ANXA13: variants seen among roughly 807,000 people sequenced by gnomAD.
ANXA13 encodes the protein annexin A13.
ANXA13 carries 36 observed loss-of-function variants against 46.6 expected under a neutral mutation model. That is an observed-to-expected ratio of 0.77 (90% CI 0.59 to 1.02). The LOEUF (loss-of-function observed/expected upper bound fraction) is 1.02. ANXA13 is among the 50% of genes least tolerant of loss of function. The pLI is 0.00. For missense variants in ANXA13, 417 were observed against 396.5 expected (o/e 1.05, Z -0.44); for synonymous variants, 163 against 152.9 (o/e 1.07, Z -0.49).
At chr8:123,684,500 G>C (rs1289945684) in intron 10 of ANXA13, 110 bp downstream of exon 10, 1 of 728,836 alleles carries the variant, frequency 1.4e-6, no homozygotes, top group Non-Finnish European at 2.4e-6. Context: ...GGCCGTCTCT[G>C]TTTTACTTTT....
intron 1 of ANXA13, among the ~76,000 whole-genome samples, chr8:123,724,225 G>A (rs903014998): frequency 2.6e-5 from 4 of 152,194 alleles, no homozygotes; most frequent in African/African-American, 9.6e-5. Context: ...ACCTTCGGGT[G>A]TGAAACAGTT....
chr8:123,719,819 G>C (rs992566466), intron 1 of ANXA13, among the ~76,000 whole-genome samples: 1 of 152,212 alleles, frequency 6.6e-6, no homozygotes, highest in Non-Finnish European at 1.5e-5. Context: ...GCCCTTTGCT[G>C]GTTGTACCAC....
chr8:123,694,235 C>G (rs1308818532), intron 6 of ANXA13, among the ~76,000 whole-genome samples: 1 of 152,190 alleles, frequency 6.6e-6, no homozygotes, highest in Non-Finnish European at 1.5e-5. Context: ...TAATCCCCTT[C>G]CCTTGAGTGT....
intron 1 of ANXA13, among the ~76,000 whole-genome samples, chr8:123,730,321 A>G (rs1021543778): frequency 5.3e-5 from 8 of 152,108 alleles, no homozygotes; most frequent in African/African-American, 1.9e-4. Context: ...TAGTTCCTAG[A>G]CCAGCAGTAC....
Position 123,702,737 on chromosome 8 carries a change from C to A in ANXA13, c.92-1G>T. On this transcript the variant is annotated splice_acceptor_variant, in intron 2 of 10. Coordinates refer to ENST00000419625, the MANE Select transcript of ANXA13 (RefSeq NM_004306.4). LOFTEE classifies it high-confidence loss of function. ...TCAATGATGGCTGCTTCATTGGTCC[C>A]TAAAATACAGGAGAAACAAACAAAG... 1 of 1,613,106 alleles carries A rather than the reference C, an allele frequency of 6.2e-7. No individual in the cohort carries two copies. The highest frequency in any genetic ancestry group is 8.5e-7 in the Non-Finnish European group (1 of 1,179,168).
rs755285480 is a variant in ANXA13, at chr8:123,702,662, AC to A, written c.165del (p.Lys55AsnfsTer18). The A allele has an allele frequency of 2.3e-5, 37 of 1,613,972 alleles. No individual in the cohort carries two copies. Among genetic ancestry groups the A allele is most frequent in the Middle Eastern group, 1.6e-4 (1 of 6,084 alleles). ...TSDERQQIKQ[K>X]YKATYGKELE... Reference sequence around the variant, plus strand: ...ATCACCTTGCCGTACGTTGCCTTGTACTTTTGCTTGATTTGTTGCCTCTCAT... The same window carrying A: ...ATCACCTTGCCGTACGTTGCCTTGTATTTTGCTTGATTTGTTGCCTCTCAT... On this transcript the variant is annotated frameshift_variant, in exon 3 of 11. Coordinates refer to ENST00000419625, the MANE Select transcript of ANXA13 (RefSeq NM_004306.4). LOFTEE classifies it high-confidence loss of function.
Position 123,693,295 on chromosome 8 carries a change from C to T in ANXA13, c.544G>A (p.Gly182Arg), listed in dbSNP as rs1460962962. The T allele has an allele frequency of 6.2e-7, 1 of 1,614,026 alleles. No homozygotes were observed. Among genetic ancestry groups the T allele is most frequent in the African/African-American group, 1.3e-5 (1 of 75,040 alleles). The change falls in exon 8 of 11, where the codon GGG becomes AGG. Residue 182 changes from glycine (G) to arginine (R), a missense_variant. By Grantham distance (125) the Gly-to-Arg change is moderately radical. Coordinates refer to ENST00000419625, the MANE Select transcript of ANXA13 (RefSeq NM_004306.4). ...GQDAKDLYDA[G>R]EGRWGTDELA... ...TCATCAGTGCCCCAGCGGCCTTCCC[C>T]TGCCTCAAGGGTCAAATACAAACAC...
chr8:123,698,871 G>GA (rs780306600), intron 3 of ANXA13, among the ~76,000 whole-genome samples: 10 of 152,134 alleles, frequency 6.6e-5, no homozygotes, highest in East Asian at 1.9e-4. Flanking sequence ...CAAGATCGCT[G>GA]AAAAAATCCT....
chr8:123,695,659 A>C (rs749322112), intron 5 of ANXA13, 29 bp downstream of exon 5: 10 of 1,612,878 alleles, frequency 6.2e-6, no homozygotes, highest in Non-Finnish European at 7.6e-6. Context: ...AACATACTTT[A>C]TCCAAAGCCA....
At chr8:123,699,823 A>T (rs1813409271) in intron 3 of ANXA13, among the ~76,000 whole-genome samples, 1 of 152,214 alleles carries the variant, frequency 6.6e-6, no homozygotes, top group Non-Finnish European at 1.5e-5. Context: ...AAATGTACTT[A>T]ATCTCACCAA....
intron 1 of ANXA13, among the ~76,000 whole-genome samples, chr8:123,729,881 G>A (rs1041015102): frequency 2.0e-5 from 3 of 152,084 alleles, no homozygotes; most frequent in African/African-American, 4.8e-5. Context: ...CTCATACTTC[G>A]CAAAGATATC....
At chr8:123,712,574 A>G in intron 2 of ANXA13, 104 bp downstream of exon 2, 1 of 1,029,632 alleles carries the variant, frequency 9.7e-7, no homozygotes, top group Non-Finnish European at 1.5e-6. Context: ...CTCGGAATAC[A>G]CAAGATAGTG....
At chr8:123,710,644 C>T (rs1160088601) in intron 2 of ANXA13, among the ~76,000 whole-genome samples, 1 of 151,784 alleles carries the variant, frequency 6.6e-6, no homozygotes, top group Admixed American at 6.6e-5. Context: ...CTGAGGTGCC[C>T]TAGCTAGGAT....
intron 1 of ANXA13, chr8:123,727,962 G>T (rs1814033647): frequency 6.6e-6 from 1 of 152,276 alleles, no homozygotes; most frequent in South Asian, 2.1e-4. Context: ...CTGAGATAAG[G>T]TAACTAGGAG....
At chr8:123,693,569 A>G (rs934585016) in intron 7 of ANXA13, 142 bp downstream of exon 7, 2 of 757,760 alleles carry the variant, frequency 2.6e-6, no homozygotes, top group Non-Finnish European at 4.3e-6. Flanking sequence ...GAGACTATAT[A>G]TATGATCTAG....
chr8:123,708,892 T>C (rs1813598639), intron 2 of ANXA13, among the ~76,000 whole-genome samples: 2 of 152,224 alleles, frequency 1.3e-5, no homozygotes, highest in Admixed American at 1.3e-4. Context: ...CATCTGCCCA[T>C]GGCCTTCTCT....
chr8:123,735,130 A>G, intron 1 of ANXA13, among the ~76,000 whole-genome samples: 1 of 147,048 alleles, frequency 6.8e-6, no homozygotes, highest in Non-Finnish European at 1.5e-5. Flanking sequence ...AAAAAAAAAA[A>G]CAAACCCAGC....
chr8:123,724,411 G>T (rs1813942645), intron 1 of ANXA13, among the ~76,000 whole-genome samples: 2 of 152,140 alleles, frequency 1.3e-5, no homozygotes, highest in Non-Finnish European at 2.9e-5. Context: ...GAGGTACAGG[G>T]ATATATCAGG....
chr8:123,715,373 A>G lies in ANXA13; in HGVS notation c.16-2620T>C, dbSNP rs114612651. Among the ~76,000 whole-genome samples, 361 of 152,320 alleles carry G rather than the reference A, an allele frequency of 2.4e-3. 1 individual carries two copies. Among genetic ancestry groups the G allele is most frequent in the African/African-American group, 8.6e-3 (356 of 41,574 alleles). On this transcript the variant is annotated intron_variant, in intron 1 of 10. Transcript: ENST00000419625. ...GTGGAAGTGGCAACTTCGAAATAGT[A>G]ATGGCTTCTTTGCTTTTCATCCGAA...
Sources: gnomAD v4.1 joint callset for allele counts (sites outside exome capture counted in the v4.1 genomes callset) on GRCh38, gnomAD v4.1.1 for gene constraint, MANE v1.5 for transcripts, NCBI Gene and HGNC (gene_info 2026-07-23, HGNC 2026-07-21) for gene names.